TMEM132D: variants seen among roughly 807,000 people sequenced by gnomAD.
TMEM132D encodes mature OL transmembrane protein.
A neutral mutation model predicts 62.3 loss-of-function variants in TMEM132D; 21 were observed. The ratio of observed to expected loss-of-function variants is 0.34; its 90% CI spans 0.24 to 0.49. TMEM132D has a LOEUF of 0.49. Among genes scored for constraint, TMEM132D ranks in the 20% least tolerant of loss-of-function variants. The probability of loss-of-function intolerance (pLI) is 0.99; values close to 1 mark genes in which losing one functional copy is unlikely to be tolerated. For missense variants in TMEM132D, 1,346 were observed against 1,402.8 expected (o/e 0.96, Z 0.65); for synonymous variants, 621 against 575.6 (o/e 1.08, Z -1.13).
At chr12:129,866,744 A>G (rs565903114) in intron 1 of TMEM132D, among the ~76,000 whole-genome samples, 1 of 152,258 alleles carries the variant, frequency 6.6e-6, no homozygotes, top group East Asian at 1.9e-4. Flanking sequence ...TAGAACTCCC[A>G]TATGATCTAG....
rs895295626 is a variant in TMEM132D at position 129,827,891 on chromosome 12, C to T, written c.79+75370G>A. Reference sequence around the variant, plus strand: ...TGCTACAGCCACTAAGTGATAAAACCATAATCTTCCTAAAGAAATGGGCCA... The same window carrying T: ...TGCTACAGCCACTAAGTGATAAAACTATAATCTTCCTAAAGAAATGGGCCA... On this transcript the variant is annotated intron_variant, in intron 1 of 8. Coordinates refer to ENST00000422113, the MANE Select transcript of TMEM132D (RefSeq NM_133448.3). The surrounding 1 kb of genome is among the most constrained non-coding windows in gnomAD (Gnocchi z 9.7). 1.3e-5 allele frequency among the ~76,000 whole-genome samples: 2 copies of T among 152,014 alleles called. No individual in the cohort carries two copies. The highest frequency in any genetic ancestry group is 4.8e-5 in the African/African-American group (2 of 41,400).
intron 4 of TMEM132D, among the ~76,000 whole-genome samples, chr12:129,304,812 C>T (rs372150036): frequency 2.9e-4 from 44 of 152,040 alleles, no homozygotes; most frequent in Non-Finnish European, 4.4e-4. Context: ...TATAGGCGTG[C>T]GCCACTATGC....
At position 129,312,925 on chromosome 12, in the gene TMEM132D, G is replaced by T. The variant is rs796723452; in HGVS notation, c.1299+24709C>A. On this transcript the variant is annotated intron_variant, in intron 4 of 8. Transcript: ENST00000422113. ...AGATTTGAGGTATATTGTAAAGGTG[G>T]AACTATTAGGATCAACCGAGACTGA... is the stretch of plus-strand genomic sequence containing the variant. Among the ~76,000 whole-genome samples, 143 of 152,318 alleles carry T rather than the reference G, an allele frequency of 9.4e-4. 1 individual carries two copies. The highest frequency in any genetic ancestry group is 3.2e-3 in the African/African-American group (132 of 41,576).
At chr12:129,588,247 T>G (rs1198997367) in intron 2 of TMEM132D, among the ~76,000 whole-genome samples, 7 of 152,220 alleles carry the variant, frequency 4.6e-5, no homozygotes, top group Non-Finnish European at 8.8e-5. Flanking sequence ...ATCTACAGAT[T>G]CTATAGGTTA....
At chr12:129,320,169 C>T (rs1268751320) in intron 4 of TMEM132D, among the ~76,000 whole-genome samples, 1 of 152,168 alleles carries the variant, frequency 6.6e-6, no homozygotes, top group Non-Finnish European at 1.5e-5. Context: ...CTGCTAAAGT[C>T]TAGTTCAACT....
intron 1 of TMEM132D, among the ~76,000 whole-genome samples, chr12:129,752,755 G>A (rs1013658346): frequency 2.0e-5 from 3 of 152,210 alleles, no homozygotes; most frequent in African/African-American, 7.2e-5. Context: ...GAACCAGGAA[G>A]GATCATCTCC....
At chr12:129,644,403 C>T (rs1398819775) in intron 2 of TMEM132D, among the ~76,000 whole-genome samples, 2 of 152,200 alleles carry the variant, frequency 1.3e-5, no homozygotes, top group East Asian at 1.9e-4. Flanking sequence ...GACAGCCTCA[C>T]TGTGGCCATA....
chr12:129,659,821 A>C (rs1383089861), intron 2 of TMEM132D, among the ~76,000 whole-genome samples: 1 of 152,210 alleles, frequency 6.6e-6, no homozygotes, highest in African/African-American at 2.4e-5. Flanking sequence ...GGTATTCTCT[A>C]AATTTTCAGG....
At chr12:129,110,182 T>G (rs1387693293) in intron 5 of TMEM132D, 1 of 152,390 alleles carries the variant, frequency 6.6e-6, no homozygotes, top group Non-Finnish European at 1.5e-5. Flanking sequence ...TTCTCCATCT[T>G]TTCTTTATCC....
chr12:129,460,887 G>A (rs890105984), intron 3 of TMEM132D, among the ~76,000 whole-genome samples: 4 of 152,142 alleles, frequency 2.6e-5, no homozygotes, highest in Non-Finnish European at 5.9e-5. Context: ...GGATTTAAAG[G>A]CAATCCAGAC....
chr12:129,308,974 G>A (rs1593331588), intron 4 of TMEM132D, among the ~76,000 whole-genome samples: 1 of 152,178 alleles, frequency 6.6e-6, no homozygotes, highest in Non-Finnish European at 1.5e-5. Context: ...GGTACCTTAG[G>A]GTAAGCTGCT....
At chr12:129,575,128 A>G (rs969474106) in intron 2 of TMEM132D, among the ~76,000 whole-genome samples, 2 of 151,766 alleles carry the variant, frequency 1.3e-5, no homozygotes, top group African/African-American at 2.4e-5. Context: ...GTAGGCCCTC[A>G]ATCCCCTAGA....
intron 2 of TMEM132D, among the ~76,000 whole-genome samples, chr12:129,648,526 G>T (rs1879845039): frequency 6.6e-6 from 1 of 152,160 alleles, no homozygotes; most frequent in African/African-American, 2.4e-5. Flanking sequence ...AGGGCAATGG[G>T]CAAGGTGAGC....
intron 1 of TMEM132D, among the ~76,000 whole-genome samples, chr12:129,895,086 G>A (rs1360961437): frequency 1.3e-5 from 2 of 152,150 alleles, no homozygotes; most frequent in Non-Finnish European, 2.9e-5. Context: ...GCTGGGGACA[G>A]AGTCCTGGGG....
At chr12:129,559,406 T>C (rs1877151984) in intron 2 of TMEM132D, among the ~76,000 whole-genome samples, 1 of 152,200 alleles carries the variant, frequency 6.6e-6, no homozygotes. Context: ...AATTAGCAAA[T>C]TTCCTCAGGG....
At chr12:129,642,920 C>CTTTTTTT (rs71082742) in intron 2 of TMEM132D, among the ~76,000 whole-genome samples, 7 of 105,558 alleles carry the variant, frequency 6.6e-5, no homozygotes, top group Non-Finnish European at 9.0e-5. Flanking sequence ...ATTTACAAAT[C>CTTTTTTT]TTTTTTTTTT....
chr12:129,893,614 C>T (rs1566021845), intron 1 of TMEM132D, among the ~76,000 whole-genome samples: 1 of 152,176 alleles, frequency 6.6e-6, no homozygotes. Context: ...GTCTAGGTTT[C>T]TCATTTTCTG....
chr12:129,705,420 A>G (rs1218360098), intron 1 of TMEM132D, among the ~76,000 whole-genome samples: 1 of 152,164 alleles, frequency 6.6e-6, no homozygotes, highest in Non-Finnish European at 1.5e-5. Flanking sequence ...AAAACTAAAA[A>G]CTAAGAAAAA....
At chr12:129,092,303 C>CTTTTT (rs3045890) in intron 5 of TMEM132D, among the ~76,000 whole-genome samples, 24 of 133,900 alleles carry the variant, frequency 1.8e-4, no homozygotes, top group African/African-American at 3.1e-4. Context: ...TCTCTCTTTC[C>CTTTTT]TTTTTTTTTT....
Sources: gnomAD v4.1 joint callset for allele counts (sites outside exome capture counted in the v4.1 genomes callset) on GRCh38, gnomAD v4.1.1 for gene constraint, Gnocchi (gnomAD v3.1) non-coding constraint, MANE v1.5 for transcripts, NCBI Gene and HGNC (gene_info 2026-07-23, HGNC 2026-07-21) for gene names.